The following SH3GL3 variants were observed in gnomAD, a reference collection of about 807,000 sequenced individuals.
The protein encoded by SH3GL3 is endophilin-A3.
In SH3GL3, 33 loss-of-function variants were observed where a neutral mutation model predicts 47.7. The ratio of observed to expected loss-of-function variants is 0.69; its 90% CI spans 0.52 to 0.92. The LOEUF (loss-of-function observed/expected upper bound fraction) is 0.92. SH3GL3 is among the 40% of genes least tolerant of loss of function. The pLI is 0.00. For missense variants in SH3GL3, 363 were observed against 417.8 expected, an observed-to-expected ratio of 0.87 and a Z score of 1.14; for synonymous variants, 155 against 148.8, an observed-to-expected ratio of 1.04 and a Z score of -0.30.
intron 1 of SH3GL3, among the ~76,000 whole-genome samples, chr15:83,553,877 T>C (rs1232648184): frequency 6.6e-6 from 1 of 152,226 alleles, no homozygotes; most frequent in Admixed American, 6.5e-5. Flanking sequence ...CCATAGTTTC[T>C]CAATTTTTAT....
chr15:83,506,721 T>G (rs183202687), intron 1 of SH3GL3, among the ~76,000 whole-genome samples: 2 of 152,324 alleles, frequency 1.3e-5, no homozygotes, highest in East Asian at 3.9e-4. Flanking sequence ...TTTGTAGGTT[T>G]CATTTCAATA....
At chr15:83,555,080 T>A (rs1263602289) in intron 1 of SH3GL3, among the ~76,000 whole-genome samples, 1 of 152,180 alleles carries the variant, frequency 6.6e-6, no homozygotes, top group Admixed American at 6.5e-5. Context: ...TCTGTTTATT[T>A]TATGTTCTTT....
intron 1 of SH3GL3, among the ~76,000 whole-genome samples, chr15:83,459,536 G>A (rs1377746973): frequency 1.3e-5 from 2 of 152,164 alleles, no homozygotes; most frequent in Non-Finnish European, 2.9e-5. Context: ...ACTGATGCAG[G>A]ACCAGAGCAA....
At chr15:83,605,710 A>G (rs1478865639) in intron 8 of SH3GL3, among the ~76,000 whole-genome samples, 4 of 152,174 alleles carry the variant, frequency 2.6e-5, no homozygotes. Flanking sequence ...GAAATGACAG[A>G]TTGCAGACAA....
At chr15:83,591,484 T>TC (rs397829949) in intron 8 of SH3GL3, among the ~76,000 whole-genome samples, 1 of 151,106 alleles carries the variant, frequency 6.6e-6, no homozygotes, top group Non-Finnish European at 1.5e-5. Flanking sequence ...TTTTTTTTTT[T>TC]CATTTAAAAA....
chr15:83,608,915 T>C (rs1385163303), intron 8 of SH3GL3, among the ~76,000 whole-genome samples: 4 of 152,084 alleles, frequency 2.6e-5, no homozygotes, highest in Non-Finnish European at 5.9e-5. Context: ...TCCTCTCTGT[T>C]CATCAGCTGC....
At chr15:83,495,374 C>T (rs747372608) in intron 1 of SH3GL3, among the ~76,000 whole-genome samples, 2 of 152,102 alleles carry the variant, frequency 1.3e-5, no homozygotes, top group African/African-American at 2.4e-5. Flanking sequence ...TGGAGTCCCT[C>T]GGAACTGGCT....
At chr15:83,476,407 A>C (rs561121882) in intron 1 of SH3GL3, among the ~76,000 whole-genome samples, 1 of 152,270 alleles carries the variant, frequency 6.6e-6, no homozygotes, top group East Asian at 1.9e-4. Flanking sequence ...TCCTTATATA[A>C]ATTTGAGGTG....
chr15:83,493,322 A>G (rs1030058542), intron 1 of SH3GL3, among the ~76,000 whole-genome samples: 3 of 152,180 alleles, frequency 2.0e-5, no homozygotes, highest in East Asian at 1.9e-4. Context: ...TGATGGGGAC[A>G]TGGCAGTTCA....
intron 1 of SH3GL3, among the ~76,000 whole-genome samples, chr15:83,473,360 C>G (rs1221771102): frequency 1.3e-5 from 2 of 151,832 alleles, no homozygotes; most frequent in Non-Finnish European, 2.9e-5. Flanking sequence ...GTCTAGGCCC[C>G]CATTCATCCT....
chr15:83,450,254 T>G (rs969292047), intron 1 of SH3GL3, among the ~76,000 whole-genome samples: 1 of 152,190 alleles, frequency 6.6e-6, no homozygotes, highest in Non-Finnish European at 1.5e-5. Flanking sequence ...TTTAAGAGAA[T>G]TGTATGGTAT....
chr15:83,591,404 T>G (rs1296251071), intron 8 of SH3GL3, among the ~76,000 whole-genome samples: 4 of 152,142 alleles, frequency 2.6e-5, no homozygotes, highest in African/African-American at 9.7e-5. Context: ...AATTGCCCTT[T>G]CAAACACACA....
chr15:83,501,209 T>C (rs986000913), intron 1 of SH3GL3, among the ~76,000 whole-genome samples: 8 of 152,234 alleles, frequency 5.3e-5, no homozygotes, highest in African/African-American at 1.9e-4. Context: ...AACAACTTTA[T>C]AACATTTATG....
chr15:83,464,497 G>GT (rs1227371970), intron 1 of SH3GL3, among the ~76,000 whole-genome samples: 2 of 152,122 alleles, frequency 1.3e-5, no homozygotes, highest in Non-Finnish European at 2.9e-5. Context: ...ACAAATCTAA[G>GT]TGCCTGCATC....
intron 2 of SH3GL3, among the ~76,000 whole-genome samples, chr15:83,564,323 T>C (rs2045432759): frequency 6.6e-6 from 1 of 152,224 alleles, no homozygotes; most frequent in Non-Finnish European, 1.5e-5. Context: ...CTTTACAAAA[T>C]TGAGTTTTCC....
chr15:83,518,864 A>G (rs1428892624), intron 1 of SH3GL3, among the ~76,000 whole-genome samples: 1 of 152,118 alleles, frequency 6.6e-6, no homozygotes, highest in African/African-American at 2.4e-5. Flanking sequence ...TAGAATTCTT[A>G]TAGTTTGAGG....
intron 1 of SH3GL3, among the ~76,000 whole-genome samples, chr15:83,503,631 T>C (rs778589655): frequency 2.0e-5 from 3 of 152,208 alleles, no homozygotes; most frequent in Non-Finnish European, 2.9e-5. Context: ...CAAAATAATA[T>C]ACCTAAAGTG....
intron 8 of SH3GL3, among the ~76,000 whole-genome samples, chr15:83,599,108 A>AT (rs1029435895): frequency 1.3e-5 from 2 of 151,920 alleles, no homozygotes; most frequent in Non-Finnish European, 2.9e-5. Flanking sequence ...TTATTTACTT[A>AT]TTTTTTTGCG....
At chr15:83,485,122 A>T (rs751641523) in intron 1 of SH3GL3, among the ~76,000 whole-genome samples, 2 of 152,206 alleles carry the variant, frequency 1.3e-5, no homozygotes, top group Non-Finnish European at 2.9e-5. Flanking sequence ...TCACCAGAAC[A>T]TGTCTATCAG....
Sources: allele counts gnomAD v4.1 joint callset (sites outside exome capture counted in the v4.1 genomes callset), GRCh38; gene constraint gnomAD v4.1.1; transcripts MANE v1.5; gene names NCBI Gene and HGNC (gene_info 2026-07-23, HGNC 2026-07-21).